Variants in SH2B2 observed in about 807,000 individuals in gnomAD.
The protein encoded by SH2B2 is SH2B adapter protein 2.
In SH2B2, 37 loss-of-function variants were observed where a neutral mutation model predicts 35.7. The ratio of observed to expected loss-of-function variants is 1.04; its 90% CI spans 0.80 to 1.36. The LOEUF (loss-of-function observed/expected upper bound fraction) is 1.36. SH2B2 is among the 40% of genes most tolerant of loss of function. SH2B2 has a pLI of 0.00. For synonymous variants in SH2B2, 383 were observed against 376.4 expected (o/e 1.02, Z -0.20); for missense variants, 852 against 817.7 (o/e 1.04, Z -0.51).
upstream of SH2B2, among the ~76,000 whole-genome samples, chr7:102,285,901 C>A (rs1554550775): frequency 6.6e-6 from 1 of 152,204 alleles, no homozygotes; most frequent in East Asian, 1.9e-4. Flanking sequence ...CTGCCCCCAC[C>A]GAAGCCCTCC....
chr7:102,301,654 C>G (rs1793203384), intron 2 of SH2B2, among the ~76,000 whole-genome samples: 1 of 151,874 alleles, frequency 6.6e-6, no homozygotes, highest in African/African-American at 2.4e-5. Flanking sequence ...TCACTGCAAC[C>G]TGTGCCTCCC....
chr7:102,315,758 A>AAG (rs1554556866), intron 6 of SH2B2, among the ~76,000 whole-genome samples: 9 of 148,314 alleles, frequency 6.1e-5, no homozygotes, highest in East Asian at 2.0e-4. Flanking sequence ...AAAAAAAAAA[A>AAG]AAAAGAAAAG....
intron 1 of SH2B2, among the ~76,000 whole-genome samples, chr7:102,296,767 C>A (rs1281742923): frequency 6.6e-6 from 1 of 152,170 alleles, no homozygotes; most frequent in Non-Finnish European, 1.5e-5. Context: ...TAAGTAGAAG[C>A]GTGCAGGCCA....
At chr7:102,314,727 AC>A (rs1263170486) in intron 6 of SH2B2, 45 bp downstream of exon 6, 3 of 398,188 alleles carry the variant, frequency 7.5e-6, no homozygotes, top group African/African-American at 6.2e-5. Context: ...CCTCTCCTGG[AC>A]CCCCACCCCC....
intron 8 of SH2B2, among the ~76,000 whole-genome samples, chr7:102,320,978 C>T (rs1203383934): frequency 6.6e-6 from 1 of 152,046 alleles, no homozygotes; most frequent in Non-Finnish European, 1.5e-5. Flanking sequence ...TGCGTGTGTG[C>T]GCATATGCAT....
rs141408671 is a variant in SH2B2 at position 102,317,830 on chromosome 7, C to T, written c.1395+435C>T. Among the ~76,000 whole-genome samples, 9 of 152,316 alleles carry T rather than the reference C, an allele frequency of 5.9e-5. No homozygotes were observed. The East Asian group carries it at 1.7e-3, about 29-fold the overall frequency. ...CACCTTCTGCCCCACCGACCTCAGA[C>T]AGCCCCTCTTCCCTGCCCAGGTTAG... On this transcript the variant is annotated intron_variant, in intron 7 of 8. Coordinates refer to ENST00000444095, the MANE Select transcript of SH2B2 (RefSeq NM_001359228.2).
At position 102,317,315 on chromosome 7, in the gene SH2B2, C is replaced by T; in HGVS notation, c.1315C>T (p.His439Tyr). Residue 439 changes from histidine (H) to tyrosine (Y), a missense_variant, in exon 7 of 9, where the codon CAC becomes TAC. By Grantham distance (83) the His-to-Tyr change is moderately conservative. Around this residue, in one of 3 missense-constraint regions of SH2B2, gnomAD observed 556 missense variants for 514.5 expected, o/e 1.08. Transcript: ENST00000444095. ...QLVLAGGPRNHGLFVIRQSET... is the reference protein window; with the variant it reads ...QLVLAGGPRNYGLFVIRQSET... ...GGTTCTGGCAGGGGGGCCCCGGAAC[C>T]ACGGCCTCTTCGTGATCCGCCAAAG... The T allele has an allele frequency of 6.2e-7, 1 of 1,613,250 alleles. No homozygotes were observed. The highest frequency in any genetic ancestry group is 8.5e-7 in the Non-Finnish European group (1 of 1,179,270).
chr7:102,312,972 A>G (rs2133019079), intron 4 of SH2B2, among the ~76,000 whole-genome samples: 1 of 152,112 alleles, frequency 6.6e-6, no homozygotes, highest in African/African-American at 2.4e-5. Context: ...TCTACTAAAA[A>G]TACAAAATCA....
chr7:102,298,337 C>T (rs576615145), intron 1 of SH2B2, among the ~76,000 whole-genome samples: 1 of 152,208 alleles, frequency 6.6e-6, no homozygotes, highest in African/African-American at 2.4e-5. Flanking sequence ...TCATAGCTCA[C>T]TGCAGCCTCC....
At chr7:102,292,580 C>T (rs368644155) in intron 1 of SH2B2, among the ~76,000 whole-genome samples, 2 of 151,698 alleles carry the variant, frequency 1.3e-5, no homozygotes, top group Non-Finnish European at 2.9e-5. Flanking sequence ...TGCCTGTAGT[C>T]CCAGCCACTT....
In SH2B2 at chr7:102,320,443, CAG is replaced by C. The variant is rs782032305; in HGVS notation, c.1509_1510del (p.Gly505LeufsTer?). On this transcript the variant is annotated frameshift_variant, in exon 8 of 9. Coordinates refer to ENST00000444095, the MANE Select transcript of SH2B2 (RefSeq NM_001359228.2). LOFTEE classifies it high-confidence loss of function. Reference sequence around the variant, plus strand: ...CACACACACCCCATCCCACTGGAGTCAGGGGGCTCGGCCGACATCACCCTTCG... The same window carrying C: ...CACACACACCCCATCCCACTGGAGTCGGGGCTCGGCCGACATCACCCTTCG... 12 of 1,613,818 alleles carry C rather than the reference CAG, an allele frequency of 7.4e-6. No homozygotes were observed. Among genetic ancestry groups the C allele is most frequent in the Non-Finnish European group, 1.0e-5 (12 of 1,179,884 alleles).
chr7:102,292,874 A>T (rs782018407), intron 1 of SH2B2, among the ~76,000 whole-genome samples: 11 of 152,080 alleles, frequency 7.2e-5, no homozygotes, highest in Non-Finnish European at 1.3e-4. Context: ...TGCAGGAGGA[A>T]GGGGGGGTCT....
intron 7 of SH2B2, among the ~76,000 whole-genome samples, chr7:102,319,217 C>T (rs782645573): frequency 6.6e-6 from 1 of 152,192 alleles, no homozygotes. Context: ...GTCCAACTTG[C>T]TTCTTCTCTC....
At position 102,297,225 on chromosome 7, in the gene SH2B2, C is replaced by T. The variant is rs2242582; in HGVS notation, c.-29-3297C>T. 6.6e-6 allele frequency among the ~76,000 whole-genome samples: 1 copy of T among 151,988 alleles called. No individual in the cohort carries two copies. The highest frequency in any genetic ancestry group is 1.5e-5 in the Non-Finnish European group (1 of 68,026). On this transcript the variant is annotated intron_variant, in intron 1 of 8. Coordinates refer to ENST00000444095, the MANE Select transcript of SH2B2 (RefSeq NM_001359228.2). This position sits in a 1 kb window ranked among gnomAD's most constrained non-coding sequence, Gnocchi z 4.3. Reference sequence around the variant, plus strand: ...GCATATCCGCACTCTGGATACGACCCGCTCGCCACTTAGGAGTTGTCTGGG... The same window carrying T: ...GCATATCCGCACTCTGGATACGACCTGCTCGCCACTTAGGAGTTGTCTGGG...
At chr7:102,305,084 T>C (rs1347749424) in intron 2 of SH2B2, among the ~76,000 whole-genome samples, 1 of 152,052 alleles carries the variant, frequency 6.6e-6, no homozygotes, top group Admixed American at 6.6e-5. Flanking sequence ...GGATCAACCC[T>C]GCCCGCAGCG....
rs782437946 is a variant in SH2B2, at chr7:102,320,497, C to A, written c.1562C>A (p.Pro521Gln). ...AGCTATGTGCGGGCCCAGGACCCCC[C>A]ACCAGGTAAGATGCCGCCACCTGGC... ...LRSYVRAQDPPPEPGPTPPAA... is the reference protein window; with the variant it reads ...LRSYVRAQDPQPEPGPTPPAA... Residue 521 changes from proline to glutamine, a missense_variant, in exon 8 of 9, where the codon CCA becomes CAA. Physicochemically the swap from Pro to Gln is moderately conservative, Grantham distance 76. Transcript: ENST00000444095. 7 of 1,611,296 alleles carry A rather than the reference C, an allele frequency of 4.3e-6. 1 individual carries two copies. In the South Asian group the frequency reaches 4.4e-5, roughly 10 times the overall value.
intron 1 of SH2B2, among the ~76,000 whole-genome samples, chr7:102,294,843 C>T (rs1307680151): frequency 6.6e-6 from 1 of 152,200 alleles, no homozygotes; most frequent in Non-Finnish European, 1.5e-5. Flanking sequence ...CCTGCTTCCT[C>T]TGCATCCGGG....
Position 102,286,871 on chromosome 7 carries a change from C to G in SH2B2, c.-253C>G, listed in dbSNP as rs1194830923. 7.4e-3 allele frequency: 1 copy of G among 136 alleles called. No homozygotes were observed. Among genetic ancestry groups the G allele is most frequent in the Non-Finnish European group, 0.017 (1 of 58 alleles). The allele number at this position is 136 out of a possible 1,614,324, so 0.0% of individuals were successfully genotyped here. ...CGCGCCTCGCGGGCGGAGGGGCGCG[C>G]CGCGCTGGGGCTGGGCTTGGAGCGC... On this transcript the variant is annotated 5_prime_UTR_variant, in exon 1 of 9. Transcript: ENST00000444095.
intron 1 of SH2B2, among the ~76,000 whole-genome samples, chr7:102,290,180 C>T (rs1205530168): frequency 3.4e-5 from 5 of 148,108 alleles, no homozygotes; most frequent in African/African-American, 1.0e-4. Flanking sequence ...CCCTTGGAAG[C>T]GGAGTTCCCC....
Sources: allele counts gnomAD v4.1 joint callset (sites outside exome capture counted in the v4.1 genomes callset), GRCh38; gene constraint gnomAD v4.1.1; regional missense constraint gnomAD v4.1.1; non-coding constraint Gnocchi (gnomAD v3.1); transcripts MANE v1.5; gene names NCBI Gene and HGNC (gene_info 2026-07-23, HGNC 2026-07-21).